RELN: variants seen among roughly 807,000 people sequenced by gnomAD.
RELN encodes the protein reelin.
RELN carries 108 observed loss-of-function variants against 427.6 expected under a neutral mutation model. The ratio of observed to expected loss-of-function variants is 0.25; its 90% CI spans 0.22 to 0.30. The LOEUF (loss-of-function observed/expected upper bound fraction) is 0.30. Among genes scored for constraint, RELN ranks in the 10% least tolerant of loss-of-function variants. RELN has a pLI of 1.00. For synonymous variants in RELN, 1,524 were observed against 1,513.4 expected, an observed-to-expected ratio of 1.01 and a Z score of -0.16; for missense variants, 3,715 against 4,302.8, an observed-to-expected ratio of 0.86 and a Z score of 3.82.
At chr7:103,909,628 A>T (rs1795294439) in intron 2 of RELN, among the ~76,000 whole-genome samples, 1 of 125,820 alleles carries the variant, frequency 7.9e-6, no homozygotes, top group Non-Finnish European at 1.6e-5. Flanking sequence ...ATATATATTA[A>T]ATATATTTAA....
Position 103,989,425 on chromosome 7 carries a change from G to T in RELN, c.-69C>A. 1 of 1,286,272 alleles carries T rather than the reference G, an allele frequency of 7.8e-7. No homozygotes were observed. The highest frequency in any genetic ancestry group is 1.0e-6 in the Non-Finnish European group (1 of 998,138). 79.7% of individuals were successfully genotyped at this position (1,286,272 alleles called of 1,614,324 possible). On this transcript the variant is annotated 5_prime_UTR_variant, in exon 1 of 65. Transcript: ENST00000428762. The surrounding 1 kb of genome is among the most constrained non-coding windows in gnomAD (Gnocchi z 4.9). ...CGCTCATTCAGTTTTGGAGACGCCG[G>T]GACGGAGGAGCCACGCGGAGAGAAG...
chr7:103,721,691 A>T (rs1296800186), intron 8 of RELN, among the ~76,000 whole-genome samples: 1 of 152,210 alleles, frequency 6.6e-6, no homozygotes, highest in Non-Finnish European at 1.5e-5. Context: ...CATATATTTT[A>T]AAATTGATTC....
At chr7:103,743,082 G>T (rs1328813043) in intron 6 of RELN, among the ~76,000 whole-genome samples, 1 of 149,280 alleles carries the variant, frequency 6.7e-6, no homozygotes, top group Non-Finnish European at 1.5e-5. Context: ...AACTCTCCAA[G>T]CCAGAAGAGA....
intron 2 of RELN, among the ~76,000 whole-genome samples, chr7:103,900,029 G>C (rs892945530): frequency 6.6e-6 from 1 of 152,154 alleles, no homozygotes; most frequent in African/African-American, 2.4e-5. Flanking sequence ...CAGTTGACAT[G>C]ATTGTATATT....
intron 19 of RELN, among the ~76,000 whole-genome samples, chr7:103,632,147 C>T (rs1171245038): frequency 2.6e-5 from 4 of 152,156 alleles, no homozygotes; most frequent in Non-Finnish European, 4.4e-5. Flanking sequence ...GTTAAGACTA[C>T]GGGTCTGTAA....
intron 12 of RELN, among the ~76,000 whole-genome samples, chr7:103,661,066 G>C (rs779971189): frequency 1.4e-4 from 22 of 152,068 alleles, no homozygotes; most frequent in Non-Finnish European, 2.9e-4. Flanking sequence ...AAAAGAAATC[G>C]CTTTGTTTTA....
intron 1 of RELN, among the ~76,000 whole-genome samples, chr7:103,987,948 G>GT (rs1173256645): frequency 6.6e-6 from 1 of 152,116 alleles, no homozygotes; most frequent in Admixed American, 6.5e-5. Flanking sequence ...AGATATCAAG[G>GT]TTTTTTTAAA....
At chr7:103,520,957 ATTTTTTTTTTTTT>A (rs55830035) in intron 48 of RELN, among the ~76,000 whole-genome samples, 2,276 of 79,438 alleles carry the variant, frequency 0.029, 46 homozygotes, top group Middle Eastern at 0.056. Flanking sequence ...TAAATTTGTT[ATTTTTTTTTTTTT>A]TTTTTTTTTT....
chr7:103,902,918 A>G (rs1172249877), intron 2 of RELN, among the ~76,000 whole-genome samples: 1 of 152,176 alleles, frequency 6.6e-6, no homozygotes, highest in Non-Finnish European at 1.5e-5. Flanking sequence ...TAATTATCAG[A>G]ATCACATCTA....
At chr7:103,515,089 T>A in intron 50 of RELN, 96 bp downstream of exon 50, 1 of 1,475,234 alleles carries the variant, frequency 6.8e-7, no homozygotes, top group Non-Finnish European at 9.4e-7. Context: ...CACTGGAACA[T>A]CTGAAAAGGT....
At chr7:103,924,942 C>T (rs1795692713) in intron 1 of RELN, among the ~76,000 whole-genome samples, 1 of 151,668 alleles carries the variant, frequency 6.6e-6, no homozygotes, top group Non-Finnish European at 1.5e-5. Flanking sequence ...AACCCCAACC[C>T]ACCCTACAAG....
chr7:103,489,746 G>A lies in RELN; in HGVS notation c.9759C>T (p.Phe3253=). 1 of 1,614,012 alleles carries A rather than the reference G, an allele frequency of 6.2e-7. No individual in the cohort carries two copies. Among genetic ancestry groups the A allele is most frequent in the Non-Finnish European group, 8.5e-7 (1 of 1,179,972 alleles). ...TTGGCAGCCTGGGATTCAGACCTTG[G>A]AAGCTCTCGTCGCAGATGCAGATGG... ...TGAICICDES[F]QGDDCSVFSH... is the part of the protein sequence containing the mutation. Residue 3253 remains phenylalanine, a synonymous_variant, in exon 60 of 65, where the codon TTC becomes TTT. Transcript: ENST00000428762.
chr7:103,931,895 C>G (rs974564783), intron 1 of RELN, among the ~76,000 whole-genome samples: 3 of 152,002 alleles, frequency 2.0e-5, no homozygotes, highest in Non-Finnish European at 4.4e-5. Context: ...TGAAACAGGC[C>G]AGGAAGGGCA....
chr7:103,849,074 AC>A (rs944201056), intron 2 of RELN, among the ~76,000 whole-genome samples: 1 of 152,184 alleles, frequency 6.6e-6, no homozygotes, highest in African/African-American at 2.4e-5. Context: ...GTGCTGTCTG[AC>A]CCCAGATGAT....
chr7:103,756,786 C>T (rs952122932), intron 4 of RELN, among the ~76,000 whole-genome samples: 2 of 152,140 alleles, frequency 1.3e-5, no homozygotes, highest in Admixed American at 1.3e-4. Context: ...AAAATGTCCA[C>T]TATCTGAGAT....
Position 103,557,817 on chromosome 7 carries a change from A to AAAACATTTGC in RELN, c.5614+138_5614+147dup. ...TATTAAGATAAACTTACATTAAAGA[A>AAAACATTTGC]AAACATTTGCAAACATTTATGTATA... On this transcript the variant is annotated intron_variant, in intron 37 of 64. Transcript: ENST00000428762. 2 of 584,830 alleles carry AAAACATTTGC rather than the reference A, an allele frequency of 3.4e-6. 1 individual carries two copies. The allele number at this position is 584,830 out of a possible 1,614,324, so 36.2% of individuals were successfully genotyped here. A position where few individuals can be genotyped will look rare whatever the true frequency, so the allele number is the denominator to read the frequency against.
intron 4 of RELN, among the ~76,000 whole-genome samples, chr7:103,754,130 A>G (rs1407331394): frequency 6.6e-6 from 1 of 152,106 alleles, no homozygotes; most frequent in African/African-American, 2.4e-5. Context: ...ATTTCTTAAG[A>G]TGTGCTATAA....
intron 57 of RELN, among the ~76,000 whole-genome samples, chr7:103,492,391 CTTGA>C (rs1828703029): frequency 1.3e-5 from 2 of 152,200 alleles, no homozygotes; most frequent in Admixed American, 6.5e-5. Context: ...GCCTAACTTT[CTTGA>C]TTGTTACTAT....
chr7:103,901,070 T>C (rs909188044), intron 2 of RELN, among the ~76,000 whole-genome samples: 6 of 151,986 alleles, frequency 3.9e-5, no homozygotes, highest in Non-Finnish European at 5.9e-5. Context: ...AAAAGACTGA[T>C]AGCCTAATTT....
Sources: allele counts gnomAD v4.1 joint callset (sites outside exome capture counted in the v4.1 genomes callset), GRCh38; gene constraint gnomAD v4.1.1; non-coding constraint Gnocchi (gnomAD v3.1); transcripts MANE v1.5; gene names NCBI Gene and HGNC (gene_info 2026-07-23, HGNC 2026-07-21).